The following NEXMIF variants were observed in gnomAD, a reference collection of about 807,000 sequenced individuals.
The protein encoded by NEXMIF is neurite extension and migration factor.
NEXMIF carries 8 observed loss-of-function variants against 62.1 expected under a neutral mutation model. That is an observed-to-expected ratio of 0.13 (90% CI 0.08 to 0.23). The LOEUF is 0.23. Ranked by LOEUF, NEXMIF falls within the 10% of genes least tolerant of loss-of-function variation. The probability of loss-of-function intolerance (pLI) is 1.00; values close to 1 mark genes in which losing one functional copy is unlikely to be tolerated. For synonymous variants in NEXMIF, 404 were observed against 416.6 expected (o/e 0.97, Z 0.37); for missense variants, 976 against 1,113.3 (o/e 0.88, Z 1.75).
At chrX:74,801,012 A>AT (rs34329046) in intron 1 of NEXMIF, among the ~76,000 whole-genome samples, 5 of 110,007 alleles carry the variant, frequency 4.5e-5, no homozygotes, top group South Asian at 7.6e-4. Flanking sequence ...TAACCACTGA[A>AT]TTTTTTTTTG....
At chrX:74,821,894 C>A (rs975198874) in intron 1 of NEXMIF, among the ~76,000 whole-genome samples, 1 of 111,239 alleles carries the variant, frequency 9.0e-6, no homozygotes, top group African/African-American at 3.3e-5. Context: ...GGACTACAGG[C>A]ATGCACCACC....
At chrX:74,879,547 G>C (rs1219611476) in intron 1 of NEXMIF, among the ~76,000 whole-genome samples, 1 of 111,948 alleles carries the variant, frequency 8.9e-6, no homozygotes, top group Non-Finnish European at 1.9e-5. Flanking sequence ...TCAAGGCTGT[G>C]GTATTTAATA....
chrX:74,873,127 C>T (rs1469064763), intron 1 of NEXMIF, among the ~76,000 whole-genome samples: 1 of 110,327 alleles, frequency 9.1e-6, no homozygotes, highest in African/African-American at 3.3e-5. Flanking sequence ...TCTCCCAATG[C>T]TATCCCTCCC....
intron 1 of NEXMIF, among the ~76,000 whole-genome samples, chrX:74,918,817 C>G (rs892531239): frequency 2.7e-5 from 3 of 112,025 alleles, no homozygotes; most frequent in African/African-American, 9.7e-5. Flanking sequence ...CATGGCAGGC[C>G]AGATTTGGCC....
intron 1 of NEXMIF, among the ~76,000 whole-genome samples, chrX:74,789,030 G>A (rs973053321): frequency 9.3e-6 from 1 of 107,885 alleles, no homozygotes; most frequent in Non-Finnish European, 1.9e-5. Context: ...ACATTGTGCA[G>A]GTTAGTTACA....
intron 1 of NEXMIF, among the ~76,000 whole-genome samples, chrX:74,837,459 G>C (rs962110111): frequency 1.8e-5 from 2 of 111,513 alleles, no homozygotes; most frequent in Admixed American, 9.5e-5. Flanking sequence ...TACTCATTTT[G>C]GTTACCCAAT....
chrX:74,753,608 A>G (rs1233329147), intron 1 of NEXMIF, among the ~76,000 whole-genome samples: 1 of 111,071 alleles, frequency 9.0e-6, no homozygotes, highest in Non-Finnish European at 1.9e-5. Flanking sequence ...GCCAAAATCC[A>G]TCTGAGAAGT....
chrX:74,751,996 G>A lies in NEXMIF; in HGVS notation c.-47-6299C>T, dbSNP rs182594768. Among the ~76,000 whole-genome samples, 17 of 110,513 alleles carry A rather than the reference G, an allele frequency of 1.5e-4. No homozygotes were observed. The East Asian group carries it at 3.5e-3, about 22-fold the overall frequency. On this transcript the variant is annotated intron_variant, in intron 1 of 3. Transcript: ENST00000055682. Reference sequence around the variant, plus strand: ...TAATTTTTGTATTTTTAGTAGAGGCGGGGTTTCGCCATGTTGGCCAGTCTG... The same window carrying A: ...TAATTTTTGTATTTTTAGTAGAGGCAGGGTTTCGCCATGTTGGCCAGTCTG...
intron 1 of NEXMIF, among the ~76,000 whole-genome samples, chrX:74,829,644 G>A (rs2080429568): frequency 9.0e-6 from 1 of 111,697 alleles, no homozygotes; most frequent in African/African-American, 3.3e-5. Context: ...TCTCCACAGT[G>A]CTTGCACTAA....
At chrX:74,877,778 C>T (rs1200545678) in intron 1 of NEXMIF, among the ~76,000 whole-genome samples, 4 of 111,992 alleles carry the variant, frequency 3.6e-5, no homozygotes, top group Middle Eastern at 4.6e-3. Flanking sequence ...TGCAGTTGAT[C>T]GCATCGGCTC....
chrX:74,924,491 T>A (rs1249977057), intron 1 of NEXMIF, among the ~76,000 whole-genome samples: 1 of 113,035 alleles, frequency 8.8e-6, no homozygotes, highest in Non-Finnish European at 1.9e-5. Flanking sequence ...CGCCGAAGCG[T>A]GCCATGCCCA....
rs759446600 is a variant in NEXMIF, at chrX:74,744,736, A to G, written c.80-259T>C. On this transcript the variant is annotated intron_variant, in intron 2 of 3. Coordinates refer to ENST00000055682, the MANE Select transcript of NEXMIF (RefSeq NM_001008537.3). ...AAAGGCAAAGCTCTCCTCAGAAATG[A>G]GAAAAGAATTGGACTGCTTGATCAA... Among the ~76,000 whole-genome samples, 114 of 111,929 alleles carry G rather than the reference A, an allele frequency of 1.0e-3. 1 individual carries two copies. Among genetic ancestry groups the G allele is most frequent in the African/African-American group, 3.6e-3 (110 of 30,835 alleles).
chrX:74,873,037 T>A (rs2080609964), intron 1 of NEXMIF, among the ~76,000 whole-genome samples: 1 of 109,602 alleles, frequency 9.1e-6, no homozygotes, highest in Admixed American at 9.8e-5. Context: ...ATGTGCAAAA[T>A]GTGCAGGTTC....
intron 1 of NEXMIF, among the ~76,000 whole-genome samples, chrX:74,905,036 T>C (rs2080762717): frequency 9.0e-6 from 1 of 111,606 alleles, no homozygotes; most frequent in Admixed American, 9.6e-5. Flanking sequence ...TTTCCAACTT[T>C]CCTGTAATGT....
intron 1 of NEXMIF, among the ~76,000 whole-genome samples, chrX:74,780,338 T>C (rs1023531190): frequency 2.0e-4 from 22 of 110,263 alleles, no homozygotes; most frequent in Admixed American, 1.9e-3. Flanking sequence ...GTGTGCCTTT[T>C]GACATTTGTT....
chrX:74,826,325 G>T (rs1246512385), intron 1 of NEXMIF, among the ~76,000 whole-genome samples: 2 of 111,993 alleles, frequency 1.8e-5, no homozygotes. Flanking sequence ...TTTGAAAAGT[G>T]TCTGTTCACA....
intron 2 of NEXMIF, among the ~76,000 whole-genome samples, chrX:74,744,920 T>TCTCTCC (rs1569336172): frequency 9.0e-5 from 4 of 44,621 alleles, no homozygotes; most frequent in African/African-American, 1.2e-4. Flanking sequence ...TCTCTCTCTC[T>TCTCTCC]TCTCTCTCTC....
chrX:74,781,475 T>G (rs1218422051), intron 1 of NEXMIF, among the ~76,000 whole-genome samples: 1 of 106,727 alleles, frequency 9.4e-6, no homozygotes, highest in East Asian at 2.8e-4. Flanking sequence ...GCCTTAGGTT[T>G]CCTTAGGTGT....
chrX:74,843,922 C>A (rs1424747163), intron 1 of NEXMIF, among the ~76,000 whole-genome samples: 1 of 111,909 alleles, frequency 8.9e-6, no homozygotes, highest in African/African-American at 3.3e-5. Context: ...CCAGTAGCAG[C>A]CTTTCCTTTC....
Sources: allele counts gnomAD v4.1 joint callset (sites outside exome capture counted in the v4.1 genomes callset), GRCh38; gene constraint gnomAD v4.1.1; transcripts MANE v1.5; gene names NCBI Gene and HGNC (gene_info 2026-07-23, HGNC 2026-07-21).